CAMKMT: variants seen among roughly 807,000 people sequenced by gnomAD.
CAMKMT encodes the protein CaM KMT.
In CAMKMT, 53 loss-of-function variants were observed where a neutral mutation model predicts 48.0. The ratio of observed to expected loss-of-function variants is 1.10; its 90% confidence interval spans 0.89 to 1.39. CAMKMT has a LOEUF of 1.39. Ranked by LOEUF, CAMKMT falls within the 40% of genes most tolerant of loss-of-function variation. The pLI, the probability that CAMKMT is intolerant of heterozygous loss-of-function variation, is 0.00. For synonymous variants in CAMKMT, 165 were observed against 152.3 expected, an observed-to-expected ratio of 1.08 and a Z score of -0.61; for missense variants, 428 against 402.7, an observed-to-expected ratio of 1.06 and a Z score of -0.54.
intron 3 of CAMKMT, among the ~76,000 whole-genome samples, chr2:44,572,404 A>G (rs1558712187): frequency 6.6e-6 from 1 of 152,162 alleles, no homozygotes; most frequent in Non-Finnish European, 1.5e-5. Context: ...GAATGACTTA[A>G]TTCACTTGAG....
chr2:44,600,941 A>G (rs1485507120), intron 3 of CAMKMT, among the ~76,000 whole-genome samples: 2 of 152,088 alleles, frequency 1.3e-5, no homozygotes. Context: ...GAGTGTGTCA[A>G]GACAATGAGG....
chr2:44,604,944 A>G (rs553285823), intron 3 of CAMKMT, among the ~76,000 whole-genome samples: 6 of 152,180 alleles, frequency 3.9e-5, no homozygotes, highest in African/African-American at 7.2e-5. Context: ...CTTTCTGCCT[A>G]TTTCAACGTG....
chr2:44,731,795 T>G (rs1399528493), intron 7 of CAMKMT, among the ~76,000 whole-genome samples: 3 of 152,218 alleles, frequency 2.0e-5, no homozygotes, highest in Non-Finnish European at 4.4e-5. Context: ...TACTGTCTCT[T>G]TTTTACAGAT....
At chr2:44,558,582 C>G (rs1395424556) in intron 3 of CAMKMT, among the ~76,000 whole-genome samples, 2 of 152,084 alleles carry the variant, frequency 1.3e-5, no homozygotes, top group African/African-American at 4.8e-5. Context: ...ACATATGCCC[C>G]ATGGACTACT....
At position 44,557,415 on chromosome 2, in the gene CAMKMT, A is replaced by G. The variant is rs142962923; in HGVS notation, c.377-146868A>G. Among the ~76,000 whole-genome samples the G allele has an allele frequency of 1.1e-3, 169 of 152,342 alleles. 1 individual carries two copies. The highest frequency in any genetic ancestry group is 4.0e-3 in the African/African-American group (165 of 41,578). Reference sequence around the variant, plus strand: ...AGAAGGTAGTTAATTTTATGGTACAATAAGGGCAGGCCATTGGTTGGTTTC... The same window carrying G: ...AGAAGGTAGTTAATTTTATGGTACAGTAAGGGCAGGCCATTGGTTGGTTTC... On this transcript the variant is annotated intron_variant, in intron 3 of 10. Coordinates refer to ENST00000378494, the MANE Select transcript of CAMKMT (RefSeq NM_024766.5).
At position 44,372,861 on chromosome 2, in the gene CAMKMT, TCTGTC is replaced by T; in HGVS notation, c.288_292del (p.Cys96Ter). ...GCATGGGTCCAATATACAAGCATCT[TCTGTC>T]CTGAATACAGTATCTCCTTAAGGTA... On this transcript the variant is annotated frameshift_variant, in exon 2 of 11. Transcript: ENST00000378494. LOFTEE classifies it high-confidence loss of function. 3.1e-6 allele frequency: 5 copies of T among 1,613,878 alleles called. No individual in the cohort carries two copies. Among genetic ancestry groups the T allele is most frequent in the Non-Finnish European group, 4.2e-6 (5 of 1,179,868 alleles).
At chr2:44,439,142 C>CT (rs1432647683) in intron 3 of CAMKMT, among the ~76,000 whole-genome samples, 2 of 152,034 alleles carry the variant, frequency 1.3e-5, no homozygotes, top group Non-Finnish European at 2.9e-5. Flanking sequence ...AAGCCACCAT[C>CT]TTTTTTTTCT....
At chr2:44,383,425 A>C (rs1680460626) in intron 2 of CAMKMT, among the ~76,000 whole-genome samples, 1 of 152,104 alleles carries the variant, frequency 6.6e-6, no homozygotes, top group African/African-American at 2.4e-5. Context: ...GGCCTCCCAA[A>C]GTGCTGGGAT....
intron 3 of CAMKMT, among the ~76,000 whole-genome samples, chr2:44,633,963 A>G (rs906118748): frequency 6.6e-6 from 1 of 152,094 alleles, no homozygotes; most frequent in South Asian, 2.1e-4. Context: ...TTTGGAGGAC[A>G]TGTCTAGTGT....
chr2:44,405,482 G>A (rs1410288142), intron 3 of CAMKMT, among the ~76,000 whole-genome samples: 1 of 151,970 alleles, frequency 6.6e-6, no homozygotes, highest in Non-Finnish European at 1.5e-5. Context: ...TATGAATATT[G>A]CAAAAAGCTG....
intron 3 of CAMKMT, among the ~76,000 whole-genome samples, chr2:44,478,718 T>C (rs1369459682): frequency 1.3e-5 from 2 of 150,440 alleles, no homozygotes; most frequent in African/African-American, 4.9e-5. Flanking sequence ...TTTTTTTTTT[T>C]TGAGAGGCGT....
intron 3 of CAMKMT, among the ~76,000 whole-genome samples, chr2:44,546,590 A>T (rs1470378293): frequency 1.3e-5 from 2 of 152,236 alleles, no homozygotes; most frequent in Non-Finnish European, 2.9e-5. Flanking sequence ...AATATGAATC[A>T]ATATTCAGCA....
chr2:44,376,973 G>A (rs895312422), intron 2 of CAMKMT, among the ~76,000 whole-genome samples: 1 of 151,994 alleles, frequency 6.6e-6, no homozygotes, highest in Non-Finnish European at 1.5e-5. Flanking sequence ...CCTGGATTTT[G>A]TTCCTTGACA....
chr2:44,500,779 T>G (rs919495621), intron 3 of CAMKMT, among the ~76,000 whole-genome samples: 2 of 151,904 alleles, frequency 1.3e-5, no homozygotes, highest in African/African-American at 4.8e-5. Flanking sequence ...CCTCCTGGAT[T>G]CAAACGATTC....
chr2:44,480,678 C>G (rs1572616815), intron 3 of CAMKMT, among the ~76,000 whole-genome samples: 1 of 152,044 alleles, frequency 6.6e-6, no homozygotes, highest in East Asian at 1.9e-4. Context: ...ACAAAGTAAA[C>G]TAATGGCAAT....
chr2:44,610,944 T>A (rs1029705023), intron 3 of CAMKMT, among the ~76,000 whole-genome samples: 2 of 152,148 alleles, frequency 1.3e-5, no homozygotes, highest in Admixed American at 6.5e-5. Flanking sequence ...CTATAGACAT[T>A]TAACAAATTG....
In CAMKMT at chr2:44,436,737, G is replaced by C. The variant is rs528758860; in HGVS notation, c.376+46432G>C. Among the ~76,000 whole-genome samples, 3 of 152,186 alleles carry C rather than the reference G, an allele frequency of 2.0e-5. No homozygotes were observed. In the East Asian group the frequency reaches 5.8e-4, roughly 29 times the overall value. ...TAGGTATCTATTCTCTCAGGACTATGTGATTACAGTCAACAATAAAATAAC... is the reference window on the plus strand; with the variant it reads ...TAGGTATCTATTCTCTCAGGACTATCTGATTACAGTCAACAATAAAATAAC... On this transcript the variant is annotated intron_variant, in intron 3 of 10. Transcript: ENST00000378494.
At chr2:44,535,697 A>T (rs1185599412) in intron 3 of CAMKMT, among the ~76,000 whole-genome samples, 1 of 152,202 alleles carries the variant, frequency 6.6e-6, no homozygotes, top group African/African-American at 2.4e-5. Flanking sequence ...ACCCATTCAT[A>T]ATAAAAACTC....
At chr2:44,438,063 A>G (rs1014276930) in intron 3 of CAMKMT, among the ~76,000 whole-genome samples, 53 of 152,124 alleles carry the variant, frequency 3.5e-4, no homozygotes, top group Admixed American at 3.5e-3. Flanking sequence ...TCTTGGCAGT[A>G]ACTCTTTGAG....
Sources: gnomAD v4.1 joint callset for allele counts (sites outside exome capture counted in the v4.1 genomes callset) on GRCh38, gnomAD v4.1.1 for gene constraint, MANE v1.5 for transcripts, NCBI Gene and HGNC (gene_info 2026-07-23, HGNC 2026-07-21) for gene names.